MAF: variants seen among roughly 807,000 people sequenced by gnomAD.
MAF encodes transcription factor Maf.
MAF carries 10 observed loss-of-function variants against 22.0 expected under a neutral mutation model. That is an observed-to-expected ratio of 0.45 (90% CI 0.28 to 0.77). The LOEUF is 0.77. Ranked by LOEUF, MAF falls within the 30% of genes least tolerant of loss-of-function variation. The probability of loss-of-function intolerance (pLI) is 0.12; values close to 1 mark genes in which losing one functional copy is unlikely to be tolerated. For missense variants in MAF, 544 were observed against 548.4 expected (o/e 0.99, Z 0.08); for synonymous variants, 337 against 255.8 (o/e 1.32, Z -3.03).
chr16:79,217,986 TAAAAAAAAAAAAAAA>T, the MAF span, among the ~76,000 whole-genome samples: 19 of 52,124 alleles, frequency 3.6e-4, no homozygotes, highest in South Asian at 4.5e-3. Context: ...GAAGCTTATG[TAAAAAAAAAAAAAAA>T]AAAAAAAAAA....
chr16:79,213,468 C>T, the MAF span, among the ~76,000 whole-genome samples: 60 of 151,798 alleles, frequency 4.0e-4, no homozygotes, highest in African/African-American at 1.4e-3. Context: ...GTCAGAACTC[C>T]ACTCTCAGAA....
At chr16:79,482,520 G>A in the MAF span, among the ~76,000 whole-genome samples, 1 of 152,272 alleles carries the variant, frequency 6.6e-6, no homozygotes, top group East Asian at 1.9e-4. Context: ...TTGATAAGAA[G>A]GAGCACAATC....
chr16:79,527,646 G>A, the MAF span, among the ~76,000 whole-genome samples: 8 of 152,156 alleles, frequency 5.3e-5, no homozygotes, highest in East Asian at 7.7e-4. Flanking sequence ...TTAAGGGGGG[G>A]GTCCCATCAC....
the MAF span, among the ~76,000 whole-genome samples, chr16:79,385,272 A>G: frequency 6.6e-6 from 1 of 152,256 alleles, no homozygotes; most frequent in Admixed American, 6.5e-5. Context: ...TGTATGAATC[A>G]ATTTAACTTA....
the MAF span, among the ~76,000 whole-genome samples, chr16:79,553,153 C>A: frequency 2.3e-4 from 35 of 152,244 alleles, no homozygotes; most frequent in Non-Finnish European, 4.3e-4. Context: ...ACAGCAGGTG[C>A]ACAAAAAATG....
chr16:79,543,801 G>C, the MAF span, among the ~76,000 whole-genome samples: 139,667 of 151,990 alleles, frequency 0.92, 64,464 homozygotes, highest in South Asian at 0.97. Flanking sequence ...ATTCTCCTGC[G>C]TCAGCCTGCC....
chr16:79,597,118 C>CT (rs1476181798), intron 1 of MAF: 9 of 1,058,212 alleles, frequency 8.5e-6, no homozygotes, highest in Non-Finnish European at 8.0e-6. Flanking sequence ...GTATAAGCTA[C>CT]TTTTTTTAAA....
the MAF span, among the ~76,000 whole-genome samples, chr16:79,270,922 C>T: frequency 6.9e-6 from 1 of 145,026 alleles, no homozygotes; most frequent in African/African-American, 2.6e-5. Context: ...TTTAATGAGA[C>T]AGAGTTTCAC....
the MAF span, among the ~76,000 whole-genome samples, chr16:79,511,288 C>T: frequency 2.0e-4 from 31 of 152,136 alleles, no homozygotes; most frequent in African/African-American, 6.7e-4. Context: ...TCCCCCAACA[C>T]GTCATTCTCA....
the MAF span, among the ~76,000 whole-genome samples, chr16:79,443,780 C>T: frequency 6.6e-6 from 1 of 152,194 alleles, no homozygotes; most frequent in Non-Finnish European, 1.5e-5. Flanking sequence ...ATCAGCTTCT[C>T]ATCAGTAAAA....
the MAF span, among the ~76,000 whole-genome samples, chr16:79,299,980 C>T: frequency 6.6e-6 from 1 of 152,208 alleles, no homozygotes; most frequent in Non-Finnish European, 1.5e-5. Context: ...TTGTGACTTA[C>T]TTGAGAGCAT....
chr16:79,347,947 A>G, the MAF span, among the ~76,000 whole-genome samples: 1 of 152,228 alleles, frequency 6.6e-6, no homozygotes, highest in African/African-American at 2.4e-5. Flanking sequence ...ATATGTATAC[A>G]TGTATATATA....
At chr16:79,566,304 T>C in the MAF span, among the ~76,000 whole-genome samples, 1 of 152,100 alleles carries the variant, frequency 6.6e-6, no homozygotes, top group Non-Finnish European at 1.5e-5. Flanking sequence ...GTGGGACAGA[T>C]TAATCTTAGG....
At chr16:79,478,786 A>T in the MAF span, among the ~76,000 whole-genome samples, 1 of 152,080 alleles carries the variant, frequency 6.6e-6, no homozygotes, top group African/African-American at 2.4e-5. Flanking sequence ...GCATACCCGT[A>T]TACCATCCTA....
At chr16:79,224,383 A>G in the MAF span, among the ~76,000 whole-genome samples, 360 of 152,312 alleles carry the variant, frequency 2.4e-3, 1 homozygote, top group African/African-American at 7.7e-3. Context: ...GCTATTTTTG[A>G]CACACCCATA....
the MAF span, among the ~76,000 whole-genome samples, chr16:79,333,969 A>G: frequency 2.0e-5 from 3 of 152,228 alleles, no homozygotes; most frequent in African/African-American, 7.2e-5. Flanking sequence ...GTGGAAACCT[A>G]TCTGAGAGCT....
the MAF span, among the ~76,000 whole-genome samples, chr16:79,580,219 T>G: frequency 0.35 from 53,174 of 151,870 alleles, 9,705 homozygotes; most frequent in Non-Finnish European, 0.4. Flanking sequence ...GTCTATTATG[T>G]GGCCACAGAT....
At chr16:79,224,835 A>G in the MAF span, among the ~76,000 whole-genome samples, 1 of 152,220 alleles carries the variant, frequency 6.6e-6, no homozygotes. Context: ...AAGGAGAACT[A>G]CAAACCACTG....
chr16:79,571,310 T>C, the MAF span, among the ~76,000 whole-genome samples: 1 of 152,008 alleles, frequency 6.6e-6, no homozygotes, highest in Non-Finnish European at 1.5e-5. Flanking sequence ...CTCTTTTACA[T>C]AGTGATCCCA....
Sources: gnomAD v4.1 joint callset for allele counts (sites outside exome capture counted in the v4.1 genomes callset) on GRCh38, gnomAD v4.1.1 for gene constraint, MANE v1.5 for transcripts, NCBI Gene and HGNC (gene_info 2026-07-23, HGNC 2026-07-21) for gene names.